Variants in NTM observed in about 807,000 individuals in gnomAD.
NTM encodes IgLON family member 2.
Under a neutral mutation model 42.1 loss-of-function variants are expected in NTM, and 13 were observed. The ratio of observed to expected loss-of-function variants is 0.31; its 90% CI spans 0.20 to 0.49. The LOEUF is 0.49. Among genes scored for constraint, NTM ranks in the 20% least tolerant of loss-of-function variants. NTM has a pLI of 0.99. For missense variants in NTM, 373 were observed against 452.8 expected, an observed-to-expected ratio of 0.82 and a Z score of 1.60; for synonymous variants, 187 against 179.2, an observed-to-expected ratio of 1.04 and a Z score of -0.35.
chr11:132,118,431 T>G (rs538552225), intron 2 of NTM, among the ~76,000 whole-genome samples: 2 of 152,216 alleles, frequency 1.3e-5, no homozygotes, highest in Admixed American at 1.3e-4. Context: ...CCTGTGCAGA[T>G]GGCAGAGAAT....
intron 1 of NTM, among the ~76,000 whole-genome samples, chr11:131,598,875 T>TCCTTCCTTC (rs1174189983): frequency 2.3e-4 from 8 of 35,032 alleles, no homozygotes; most frequent in African/African-American, 6.9e-4. Context: ...CTTCCTTCCT[T>TCCTTCCTTC]CTTCCTTCCT....
intron 1 of NTM, chr11:131,661,103 C>A (rs954504140): frequency 1.6e-6 from 2 of 1,241,762 alleles, no homozygotes; most frequent in Non-Finnish European, 2.1e-6. Flanking sequence ...GGGGTCTTCC[C>A]CCTAGATTCG....
intron 2 of NTM, among the ~76,000 whole-genome samples, chr11:132,100,484 A>G (rs998234311): frequency 1.3e-5 from 2 of 152,164 alleles, no homozygotes; most frequent in Non-Finnish European, 2.9e-5. Context: ...ACCCACTAGC[A>G]CATGCTTCTG....
At chr11:131,509,986 G>A (rs929304044) in intron 1 of NTM, among the ~76,000 whole-genome samples, 13 of 152,202 alleles carry the variant, frequency 8.5e-5, no homozygotes, top group South Asian at 2.1e-4. Context: ...TCTGAAGGAG[G>A]TGATCTCGGG....
intron 2 of NTM, among the ~76,000 whole-genome samples, chr11:131,929,490 C>T (rs190109566): frequency 2.5e-4 from 37 of 147,684 alleles, no homozygotes; most frequent in Non-Finnish European, 4.4e-4. Flanking sequence ...AACTTATTGC[C>T]CTTATAAAAA....
intron 1 of NTM, among the ~76,000 whole-genome samples, chr11:131,485,211 G>A (rs191015841): frequency 2.6e-5 from 4 of 152,162 alleles, no homozygotes; most frequent in Non-Finnish European, 5.9e-5. Context: ...CAAGAGGCAC[G>A]TACCTTCCCT....
At chr11:131,613,532 G>A (rs369724066) in intron 1 of NTM, among the ~76,000 whole-genome samples, 6 of 152,160 alleles carry the variant, frequency 3.9e-5, no homozygotes, top group South Asian at 4.2e-4. Context: ...ATGATAAGAC[G>A]GGCGCTTCTT....
At chr11:132,106,886 A>G (rs2062443310) in intron 2 of NTM, among the ~76,000 whole-genome samples, 1 of 152,182 alleles carries the variant, frequency 6.6e-6, no homozygotes, top group Non-Finnish European at 1.5e-5. Flanking sequence ...GTGATCATTT[A>G]GCCATAGATA....
At position 131,700,331 on chromosome 11, in the gene NTM, G is replaced by T. The variant is rs534158335; in HGVS notation, c.83-211233G>T. On this transcript the variant is annotated intron_variant, in intron 1 of 8. Transcript: ENST00000683400. Reference sequence around the variant, plus strand: ...ATACCTCAAAATCAATTGTATGCCTGTCATAATGTTTGCATCCTAACACTC... The same window carrying T: ...ATACCTCAAAATCAATTGTATGCCTTTCATAATGTTTGCATCCTAACACTC... 3.4e-4 allele frequency among the ~76,000 whole-genome samples: 51 copies of T among 152,194 alleles called. 1 individual carries two copies. The highest frequency in any genetic ancestry group is 6.2e-4 in the South Asian group (3 of 4,822).
intron 2 of NTM, among the ~76,000 whole-genome samples, chr11:132,144,240 C>T (rs1052314590): frequency 6.6e-6 from 1 of 152,114 alleles, no homozygotes; most frequent in African/African-American, 2.4e-5. Flanking sequence ...GACCAGGGGC[C>T]ATCAGCTTTG....
At chr11:131,502,250 A>G (rs1269590242) in intron 1 of NTM, among the ~76,000 whole-genome samples, 1 of 152,038 alleles carries the variant, frequency 6.6e-6, no homozygotes, top group Non-Finnish European at 1.5e-5. Flanking sequence ...AGGCATCATG[A>G]TTGCTGCCCT....
chr11:131,373,370 G>A (rs1183703660), intron 1 of NTM, among the ~76,000 whole-genome samples: 1 of 152,108 alleles, frequency 6.6e-6, no homozygotes, highest in African/African-American at 2.4e-5. Context: ...GCTGCTTCCT[G>A]TGCCTCCTGC....
chr11:131,640,416 G>T (rs2064990682), intron 1 of NTM, among the ~76,000 whole-genome samples: 1 of 152,192 alleles, frequency 6.6e-6, no homozygotes, highest in Non-Finnish European at 1.5e-5. Flanking sequence ...AGCCCAGGGA[G>T]GACTCATTCC....
chr11:131,414,227 A>G (rs1405415767), intron 1 of NTM, among the ~76,000 whole-genome samples: 2 of 152,184 alleles, frequency 1.3e-5, no homozygotes, highest in African/African-American at 2.4e-5. Flanking sequence ...CTGTCCACCA[A>G]TTCTGGGAGA....
chr11:131,844,839 A>T (rs2044715932), intron 1 of NTM, among the ~76,000 whole-genome samples: 1 of 152,194 alleles, frequency 6.6e-6, no homozygotes, highest in Admixed American at 6.5e-5. Flanking sequence ...CTAAACTCAC[A>T]TATTAATTCT....
At chr11:132,269,747 C>T (rs1421318634) in intron 4 of NTM, among the ~76,000 whole-genome samples, 1 of 152,126 alleles carries the variant, frequency 6.6e-6, no homozygotes, top group East Asian at 1.9e-4. Context: ...TGACTGGGGG[C>T]TCCTGGCAAG....
chr11:132,127,432 G>C (rs759870955), intron 2 of NTM, among the ~76,000 whole-genome samples: 3 of 152,188 alleles, frequency 2.0e-5, no homozygotes, highest in Non-Finnish European at 4.4e-5. Flanking sequence ...CAGTCTTGGC[G>C]ATGCTGACCT....
chr11:131,988,197 ATTAC>A (rs1230131561), intron 2 of NTM, among the ~76,000 whole-genome samples: 3 of 152,208 alleles, frequency 2.0e-5, no homozygotes, highest in South Asian at 2.1e-4. Flanking sequence ...TTCCACACTC[ATTAC>A]TTAATAATTC....
At chr11:131,687,802 G>T (rs912686320) in intron 1 of NTM, among the ~76,000 whole-genome samples, 2 of 143,050 alleles carry the variant, frequency 1.4e-5, no homozygotes, top group Admixed American at 1.4e-4. Flanking sequence ...GTGAAGTCCC[G>T]CTGCTCCTCC....
Sources: gnomAD v4.1 joint callset for allele counts (sites outside exome capture counted in the v4.1 genomes callset) on GRCh38, gnomAD v4.1.1 for gene constraint, MANE v1.5 for transcripts, NCBI Gene and HGNC (gene_info 2026-07-23, HGNC 2026-07-21) for gene names.